Variants in ZNF746 observed in about 807,000 individuals in gnomAD.
ZNF746 encodes parkin-interacting substrate.
In ZNF746, 13 loss-of-function variants were observed where a neutral mutation model predicts 41.0. That is an observed-to-expected ratio of 0.32 (90% CI 0.21 to 0.50). The LOEUF (loss-of-function observed/expected upper bound fraction) is 0.50, where lower values mean the gene tolerates loss of function less well. Among genes scored for constraint, ZNF746 ranks in the 20% least tolerant of loss-of-function variants. The probability of loss-of-function intolerance (pLI) is 0.98; values close to 1 mark genes in which losing one functional copy is unlikely to be tolerated. For missense variants in ZNF746, 811 were observed against 922.9 expected (o/e 0.88, Z 1.57); for synonymous variants, 424 against 396.2 (o/e 1.07, Z -0.83).
Position 149,476,962 on chromosome 7 carries a change from C to G in ZNF746, c.843G>C (p.Ser281=), listed in dbSNP as rs150757258. ...CTGTGTTGAGCTTCAGGGTCCCGTCCGAGCATGCTGAAGAGGGATGGTGGG... is the reference window on the plus strand; with the variant it reads ...CTGTGTTGAGCTTCAGGGTCCCGTCGGAGCATGCTGAAGAGGGATGGTGGG... ...LPPHHPSSAC[S]DGTLKLNTAA... Residue 281 remains serine (S), a synonymous_variant, in exon 6 of 7, where the codon TCG becomes TCC. Coordinates refer to ENST00000458143, the MANE Select transcript of ZNF746 (RefSeq NM_001394198.1). The G allele has an allele frequency of 1.9e-6, 3 of 1,613,836 alleles. No homozygotes were observed. The highest frequency in any genetic ancestry group is 1.3e-5 in the African/African-American group (1 of 74,882).
At position 149,476,988 on chromosome 7, in the gene ZNF746, G is replaced by A. The variant is rs765319338; in HGVS notation, c.817C>T (p.Pro273Ser). The A allele has an allele frequency of 3.7e-6, 6 of 1,613,920 alleles. No individual in the cohort carries two copies. Among genetic ancestry groups the A allele is most frequent in the Non-Finnish European group, 5.1e-6 (6 of 1,179,988 alleles). ...GAGCATGCTGAAGAGGGATGGTGGG[G>A]AGGGAGATCCGTTTGCCAGGAGGTG... ...PPTSWQTDLP[P>S]HHPSSACSDG... Residue 273 changes from proline to serine, a missense_variant, in exon 6 of 7, where the codon CCC becomes TCC. Physicochemically the swap from Pro to Ser is moderately conservative, Grantham distance 74 (BLOSUM62 -1). This residue lies in a region of ZNF746 where 495 missense variants were observed against 481.6 expected (regional missense o/e 1.03). Coordinates refer to ENST00000458143, the MANE Select transcript of ZNF746 (RefSeq NM_001394198.1).
Position 149,474,346 on chromosome 7 carries a change from A to C in ZNF746, c.*38T>G, listed in dbSNP as rs1285429470. ...CTGCTGCCTGCACACGGGGCTTTTT[A>C]CACGTGCGGCCGGCAGGGGCTATGG... On this transcript the variant is annotated 3_prime_UTR_variant, in exon 7 of 7. Transcript: ENST00000458143. This position sits in a 1 kb window ranked among gnomAD's most constrained non-coding sequence, Gnocchi z 6.3. 2 of 1,570,572 alleles carry C rather than the reference A, an allele frequency of 1.3e-6. No individual in the cohort carries two copies. The highest frequency in any genetic ancestry group is 1.2e-5 in the South Asian group (1 of 85,648).
At chr7:149,493,357 A>T (rs1800876134) in intron 3 of ZNF746, among the ~76,000 whole-genome samples, 1 of 152,178 alleles carries the variant, frequency 6.6e-6, no homozygotes. Flanking sequence ...AAACAACCTC[A>T]CGTCTGCACC....
intron 4 of ZNF746, 37 bp from the exon 5 acceptor site, chr7:149,477,792 G>A (rs140985357): frequency 1.9e-5 from 29 of 1,538,456 alleles, no homozygotes; most frequent in Admixed American, 1.8e-4. Context: ...ACAGCATCAC[G>A]GCCCCTCAGC....
At position 149,476,792 on chromosome 7, in the gene ZNF746, A is replaced by G. The variant is rs968262100; in HGVS notation, c.883+130T>C. On this transcript the variant is annotated intron_variant, in intron 6 of 6. Transcript: ENST00000458143. ...ATAACAGAATGTGCAAAGGGTCATA[A>G]GAGTGCAGACACCCTAATGTCTGTT... 3.9e-5 allele frequency: 49 copies of G among 1,259,012 alleles called. No homozygotes were observed. In the African/African-American group the frequency reaches 5.7e-4, roughly 15 times the overall value. 78.0% of individuals were successfully genotyped at this position (1,259,012 alleles called of 1,614,324 possible).
chr7:149,474,205 T>C lies in ZNF746; in HGVS notation c.*179A>G. 3.0e-6 allele frequency: 2 copies of C among 659,766 alleles called. No individual in the cohort carries two copies. Among genetic ancestry groups the C allele is most frequent in the African/African-American group, 3.6e-5 (2 of 54,842 alleles). The allele number at this position is 659,766 out of a possible 1,614,324, so 40.9% of individuals were successfully genotyped here. A position where few individuals can be genotyped will look rare whatever the true frequency, so the allele number is the denominator to read the frequency against. ...CCATTTCACAGAGAATTCTACTTGG[T>C]TTAGAGGTGGCAGCTGTCCTGGTGG... On this transcript the variant is annotated 3_prime_UTR_variant, in exon 7 of 7. Transcript: ENST00000458143. This position sits in a 1 kb window ranked among gnomAD's most constrained non-coding sequence, Gnocchi z 6.3.
chr7:149,475,547 C>T (rs1381571701), intron 6 of ZNF746, 64 bp from the exon 7 acceptor site: 1 of 1,542,180 alleles, frequency 6.5e-7, no homozygotes, highest in Non-Finnish European at 8.7e-7. Flanking sequence ...CACGATCTGC[C>T]ACCATCACCT....
chr7:149,483,305 G>A (rs1800532671), intron 4 of ZNF746, among the ~76,000 whole-genome samples: 1 of 152,134 alleles, frequency 6.6e-6, no homozygotes, highest in African/African-American at 2.4e-5. Context: ...AGCCTTGTAT[G>A]TTTATATTAA....
intron 6 of ZNF746, 149 bp downstream of exon 6, chr7:149,476,773 G>A (rs1800314758): frequency 9.5e-7 from 1 of 1,047,230 alleles, no homozygotes; most frequent in African/African-American, 1.6e-5. Context: ...ATAAATAACA[G>A]AATGTGCAAA....
rs779841191 is a variant in ZNF746, at chr7:149,477,573, C to T, written c.748G>A (p.Ala250Thr). ...CGTCTCAGCCACTTACCAGAGGTGG[C>T]ATCCGTGGAGATGTCTCCTGCTCCG... ...DSGAGDISTD[A>T]TSGVHSNFST... Residue 250 changes from alanine (A) to threonine (T), a missense_variant, in exon 5 of 7, where the codon GCC becomes ACC. Ala to Thr is a moderately conservative substitution (Grantham distance 58). Coordinates refer to ENST00000458143, the MANE Select transcript of ZNF746 (RefSeq NM_001394198.1). The T allele has an allele frequency of 6.2e-7, 1 of 1,605,932 alleles. No individual in the cohort carries two copies. The highest frequency in any genetic ancestry group is 1.1e-5 in the South Asian group (1 of 90,446).
chr7:149,476,588 A>G (rs1339713668), intron 6 of ZNF746, among the ~76,000 whole-genome samples: 1 of 152,164 alleles, frequency 6.6e-6, no homozygotes, highest in East Asian at 1.9e-4. Flanking sequence ...TTTCAGTTCA[A>G]TTTTGTTTTC....
intron 4 of ZNF746, chr7:149,491,859 A>G (rs1471448838): frequency 1.3e-5 from 9 of 700,920 alleles, no homozygotes; most frequent in Non-Finnish European, 2.3e-5. Flanking sequence ...GCAGGTCTTC[A>G]CTTTAGGAAT....
intron 6 of ZNF746, 124 bp from the exon 7 acceptor site, chr7:149,475,607 A>G: frequency 2.7e-6 from 4 of 1,474,840 alleles, no homozygotes; most frequent in Non-Finnish European, 3.6e-6. Context: ...CTCGTGGCTG[A>G]GCCCAGAGGG....
rs1287265367 is a variant in ZNF746, at chr7:149,497,547, T to C, written c.-11A>G. 2 of 1,070,568 alleles carry C rather than the reference T, an allele frequency of 1.9e-6. No individual in the cohort carries two copies. Among genetic ancestry groups the C allele is most frequent in the Non-Finnish European group, 2.3e-6 (2 of 888,232 alleles). The allele number at this position is 1,070,568 out of a possible 1,614,324, so 66.3% of individuals were successfully genotyped here. Reference sequence around the variant, plus strand: ...GACCGCCTCGGCCATGGCCCTGCGCTGTCCCGCCCGGCCCGGAGGAAGTCG... The same window carrying C: ...GACCGCCTCGGCCATGGCCCTGCGCCGTCCCGCCCGGCCCGGAGGAAGTCG... On this transcript the variant is annotated 5_prime_UTR_variant, in exon 1 of 7. Coordinates refer to ENST00000458143, the MANE Select transcript of ZNF746 (RefSeq NM_001394198.1). This position sits in a 1 kb window ranked among gnomAD's most constrained non-coding sequence, Gnocchi z 4.2.
intron 6 of ZNF746, among the ~76,000 whole-genome samples, chr7:149,476,172 G>A (rs1476404421): frequency 2.0e-5 from 3 of 151,922 alleles, no homozygotes; most frequent in Non-Finnish European, 4.4e-5. Context: ...AAATTAGCTG[G>A]GCGTGGTGGC....
In ZNF746 at chr7:149,476,041, G is replaced by A. The variant is rs187877851; in HGVS notation, c.884-558C>T. Among the ~76,000 whole-genome samples, 278 of 152,290 alleles carry A rather than the reference G, an allele frequency of 1.8e-3. 2 individuals carry two copies. The highest frequency in any genetic ancestry group is 5.9e-3 in the African/African-American group (244 of 41,554). ...TGAATAAGAATGTGTTTGGCCAGGC[G>A]CGGTGGCTCACGCCTATAATCCCAG... On this transcript the variant is annotated intron_variant, in intron 6 of 6. Transcript: ENST00000458143.
rs763036402 is a variant in ZNF746 at position 149,477,732 on chromosome 7, G to A, written c.589C>T (p.Pro197Ser). The A allele has an allele frequency of 2.5e-6, 4 of 1,608,636 alleles. No homozygotes were observed. In the Admixed American group the frequency reaches 5.0e-5, roughly 20 times the overall value. ...SPGSGPPVPAPDLLMQIKQEG... is the reference protein window; with the variant it reads ...SPGSGPPVPASDLLMQIKQEG... ...TGCTTGATCTGCATCAAGAGGTCTG[G>A]GGCGGGAACTGGGGGCCCCGAGCCT... The change falls in exon 5 of 7, where the codon CCA becomes TCA. Residue 197 changes from proline to serine, a missense_variant. Pro to Ser is a moderately conservative substitution (Grantham distance 74, BLOSUM62 -1). Transcript: ENST00000458143.
chr7:149,480,625 G>A (rs942176980), intron 4 of ZNF746, among the ~76,000 whole-genome samples: 20 of 152,260 alleles, frequency 1.3e-4, no homozygotes, highest in African/African-American at 4.6e-4. Flanking sequence ...TAGTAGAGAT[G>A]GAGTTTCACT....
chr7:149,493,653 CT>C (rs1800887637), intron 3 of ZNF746, among the ~76,000 whole-genome samples: 1 of 152,230 alleles, frequency 6.6e-6, no homozygotes, highest in Non-Finnish European at 1.5e-5. Context: ...AGGAAAGAGT[CT>C]TTCTCAAATG....
Sources: gnomAD v4.1 joint callset for allele counts (sites outside exome capture counted in the v4.1 genomes callset) on GRCh38, gnomAD v4.1.1 for gene constraint, gnomAD v4.1.1 regional missense constraint, Gnocchi (gnomAD v3.1) non-coding constraint, MANE v1.5 for transcripts, NCBI Gene and HGNC (gene_info 2026-07-23, HGNC 2026-07-21) for gene names.